The following ERCC6L2 variants were observed in gnomAD, a reference collection of about 807,000 sequenced individuals.
ERCC6L2 encodes DNA excision repair protein ERCC-6-like 2.
ERCC6L2 carries 77 observed loss-of-function variants against 132.0 expected under a neutral mutation model. The observed-to-expected ratio is 0.58, with a 90% confidence interval of 0.49 to 0.71. ERCC6L2 has a LOEUF of 0.71. ERCC6L2 is among the 30% of genes least tolerant of loss of function. The probability of loss-of-function intolerance (pLI) is 0.00; values close to 1 mark genes in which losing one functional copy is unlikely to be tolerated. For missense variants in ERCC6L2, 1,542 were observed against 1,837.6 expected, an observed-to-expected ratio of 0.84 and a Z score of 2.94; for synonymous variants, 583 against 632.4, an observed-to-expected ratio of 0.92 and a Z score of 1.17.
intron 12 of ERCC6L2, among the ~76,000 whole-genome samples, chr9:95,947,954 G>C (rs1425371392): frequency 6.6e-6 from 1 of 152,216 alleles, no homozygotes; most frequent in East Asian, 1.9e-4. Context: ...TTCTGATGGA[G>C]ATATACAAGG....
intron 17 of ERCC6L2, among the ~76,000 whole-genome samples, chr9:95,998,537 G>A (rs1049499116): frequency 2.0e-5 from 3 of 152,164 alleles, no homozygotes; most frequent in African/African-American, 4.8e-5. Flanking sequence ...AAAGCAGAGC[G>A]CCTTTCCTGG....
intron 11 of ERCC6L2, among the ~76,000 whole-genome samples, chr9:95,937,031 G>A (rs1279728716): frequency 2.6e-5 from 4 of 152,128 alleles, no homozygotes; most frequent in Non-Finnish European, 5.9e-5. Context: ...ATCTGTTGAA[G>A]GGCATCTGGG....
chr9:96,003,560 G>T (rs1833761817), intron 17 of ERCC6L2, among the ~76,000 whole-genome samples: 1 of 152,160 alleles, frequency 6.6e-6, no homozygotes. Context: ...CCTGTTTTGT[G>T]TTTCTTTGTT....
chr9:95,916,537 T>C, intron 6 of ERCC6L2, 103 bp downstream of exon 6: 1 of 973,406 alleles, frequency 1.0e-6, no homozygotes, highest in Non-Finnish European at 1.4e-6. Context: ...TACAGTTTTT[T>C]GCCTTTTATT....
chr9:95,888,580 T>C (rs1169070336), intron 2 of ERCC6L2, among the ~76,000 whole-genome samples: 1 of 152,232 alleles, frequency 6.6e-6, no homozygotes, highest in Non-Finnish European at 1.5e-5. Context: ...TGTGAATTAA[T>C]ATTTTGATAG....
Position 95,928,728 on chromosome 9 carries a change from G to A in ERCC6L2, c.1615G>A (p.Val539Met), listed in dbSNP as rs200688685. 1.4e-5 allele frequency: 23 copies of A among 1,598,718 alleles called. No homozygotes were observed. The highest frequency in any genetic ancestry group is 1.8e-5 in the Non-Finnish European group (21 of 1,175,164). Residue 539 changes from valine to methionine, a missense_variant, in exon 11 of 19, where the codon GTG becomes ATG. Physicochemically the swap from Val to Met is conservative, Grantham distance 21. Transcript: ENST00000653738. Reference sequence around the variant, plus strand: ...CATACCTCTCGTCTAGTTGCTTGACGTGCTACAGCAGTACTGTATGGCGTC... The same window carrying A: ...CATACCTCTCGTCTAGTTGCTTGACATGCTACAGCAGTACTGTATGGCGTC... ...LFSFSTKLLD[V>M]LQQYCMASGL...
chr9:95,918,480 G>C, intron 6 of ERCC6L2: 1 of 497,998 alleles, frequency 2.0e-6, no homozygotes, highest in Non-Finnish European at 4.0e-6. Context: ...GTTGGCTCAT[G>C]AAATAGGTTT....
chr9:95,931,548 A>G (rs1387205486), intron 11 of ERCC6L2, among the ~76,000 whole-genome samples: 2 of 152,224 alleles, frequency 1.3e-5, no homozygotes, highest in East Asian at 1.9e-4. Context: ...CTGTAAATAC[A>G]GAAAATGTCT....
At chr9:95,877,713 G>A (rs1827355363) in intron 1 of ERCC6L2, among the ~76,000 whole-genome samples, 2 of 151,868 alleles carry the variant, frequency 1.3e-5, no homozygotes, top group Admixed American at 6.6e-5. Flanking sequence ...AGGCTGAGGC[G>A]GGAGGATGGC....
At chr9:95,950,613 G>C in intron 12 of ERCC6L2, among the ~76,000 whole-genome samples, 1 of 152,018 alleles carries the variant, frequency 6.6e-6, no homozygotes, top group East Asian at 1.9e-4. Flanking sequence ...TTAGGTCCAA[G>C]AATATACACA....
In ERCC6L2 at chr9:95,916,259, A is replaced by T; in HGVS notation, c.983A>T (p.Tyr328Phe). ...AVPGLLGSGT[Y>F]FKKQFSDPVE... ...CCAGGCCTTTTAGGGAGTGGGACCT[A>T]CTTCAAGAAGCAGTTTTCTGACCCA... The change falls in exon 6 of 19, where the codon TAC becomes TTC. Residue 328 changes from tyrosine (Y) to phenylalanine (F), a missense_variant. Tyr to Phe is a conservative substitution (Grantham distance 22). Coordinates refer to ENST00000653738, the MANE Select transcript of ERCC6L2 (RefSeq NM_020207.7). 6.2e-7 allele frequency: 1 copy of T among 1,614,136 alleles called. No homozygotes were observed. Among genetic ancestry groups the T allele is most frequent in the Non-Finnish European group, 8.5e-7 (1 of 1,179,988 alleles).
chr9:95,961,782 G>A lies in ERCC6L2; in HGVS notation c.1948-4780G>A, dbSNP rs548840797. On this transcript the variant is annotated intron_variant, in intron 13 of 18. Coordinates refer to ENST00000653738, the MANE Select transcript of ERCC6L2 (RefSeq NM_020207.7). ...CCAGAGACTGGGTTATAAAGAAGAG[G>A]TTTAATGGACTTACAGTTCTGCATG... is the stretch of plus-strand genomic sequence containing the variant. Among the ~76,000 whole-genome samples, 3 of 152,262 alleles carry A rather than the reference G, an allele frequency of 2.0e-5. No homozygotes were observed. The East Asian group carries it at 5.8e-4, about 29-fold the overall frequency.
intron 11 of ERCC6L2, 137 bp downstream of exon 11, chr9:95,929,001 A>G (rs1441599974): frequency 5.5e-6 from 3 of 547,620 alleles, no homozygotes; most frequent in Non-Finnish European, 6.0e-6. Context: ...TATGACCGAA[A>G]TTTCAATGTC....
intron 12 of ERCC6L2, among the ~76,000 whole-genome samples, chr9:95,942,047 T>C (rs534237924): frequency 1.3e-5 from 2 of 152,294 alleles, no homozygotes; most frequent in African/African-American, 4.8e-5. Context: ...GACACCCTAC[T>C]TTACAGAGAG....
chr9:96,012,351 T>C lies in ERCC6L2; in HGVS notation c.3801T>C (p.Tyr1267=), dbSNP rs2133224982. Residue 1267 remains tyrosine, a synonymous_variant, in exon 19 of 19, where the codon TAT becomes TAC. Coordinates refer to ENST00000653738, the MANE Select transcript of ERCC6L2 (RefSeq NM_020207.7). The part of the protein sequence containing the change: ...KMLRDFYASQ[Y]PEVKEFFVDS... ...TAAGAGACTTTTATGCTTCTCAATA[T>C]CCAGAGGTAAAAGAATTTTTTGTGG... 3.7e-6 allele frequency: 5 copies of C among 1,362,866 alleles called. No homozygotes were observed. The African/African-American group carries it at 4.4e-5, about 12-fold the overall frequency. The allele number at this position is 1,362,866 out of a possible 1,614,324, so 84.4% of individuals were successfully genotyped here. A position where few individuals can be genotyped will look rare whatever the true frequency, so the allele number is the denominator to read the frequency against.
rs375107050 is a variant in ERCC6L2, at chr9:96,004,742, T to G, written c.3674+41T>G. 2.7e-5 allele frequency: 33 copies of G among 1,218,834 alleles called. No individual in the cohort carries two copies. In the African/African-American group the frequency reaches 4.4e-4, roughly 16 times the overall value. The allele number at this position is 1,218,834 out of a possible 1,614,324, so 75.5% of individuals were successfully genotyped here. On this transcript the variant is annotated intron_variant, in intron 18 of 18. Transcript: ENST00000653738. Reference sequence around the variant, plus strand: ...CAATACTATACTTGAAGAATAATTCTCAAAGGAAATGTAGCTCATTAGTAA... The same window carrying G: ...CAATACTATACTTGAAGAATAATTCGCAAAGGAAATGTAGCTCATTAGTAA...
chr9:95,953,236 T>C (rs755591291), intron 12 of ERCC6L2, among the ~76,000 whole-genome samples: 1 of 152,182 alleles, frequency 6.6e-6, no homozygotes, highest in Non-Finnish European at 1.5e-5. Context: ...GTTTTGTATA[T>C]TTTGCCACAA....
chr9:95,926,381 T>C (rs927503964), intron 9 of ERCC6L2, among the ~76,000 whole-genome samples: 11 of 152,248 alleles, frequency 7.2e-5, no homozygotes, highest in South Asian at 6.2e-4. Context: ...AACTAAGATG[T>C]CCTTCAGTAG....
In ERCC6L2 at chr9:95,875,818, C is replaced by T. The variant is rs912277527; in HGVS notation, c.-221C>T. On this transcript the variant is annotated 5_prime_UTR_variant, in exon 1 of 19. Transcript: ENST00000653738. ...ACAGCGTCCCCTGGCTCTGCCGCCG[C>T]TCCGGACGTCGCCCTCCCGTTCTGC... 4.3e-5 allele frequency: 25 copies of T among 576,914 alleles called. No homozygotes were observed. The highest frequency in any genetic ancestry group is 6.0e-5 in the Admixed American group (2 of 33,106). The allele number at this position is 576,914 out of a possible 1,614,324, so 35.7% of individuals were successfully genotyped here.
Sources: allele counts gnomAD v4.1 joint callset (sites outside exome capture counted in the v4.1 genomes callset), GRCh38; gene constraint gnomAD v4.1.1; transcripts MANE v1.5; gene names NCBI Gene and HGNC (gene_info 2026-07-23, HGNC 2026-07-21).